Variants in TLL1 observed in about 807,000 individuals in gnomAD.
The protein encoded by TLL1 is tolloid-like protein 1.
Under a neutral mutation model 128.2 loss-of-function variants are expected in TLL1, and 49 were observed. That is an observed-to-expected ratio of 0.38 (90% CI 0.30 to 0.48). The LOEUF (loss-of-function observed/expected upper bound fraction) is 0.48, where lower values mean the gene tolerates loss of function less well. Among genes scored for constraint, TLL1 ranks in the 20% least tolerant of loss-of-function variants. The probability of loss-of-function intolerance (pLI) is 0.96; values close to 1 mark genes in which losing one functional copy is unlikely to be tolerated. For missense variants in TLL1, 1,123 were observed against 1,242.0 expected (o/e 0.90, Z 1.44); for synonymous variants, 454 against 418.8 (o/e 1.08, Z -1.03).
chr4:166,031,105 A>G, intron 9 of TLL1: 1 of 755,748 alleles, frequency 1.3e-6, no homozygotes. Flanking sequence ...GCTTAAGATG[A>G]TTTCTGAAGG....
At chr4:165,953,699 C>G (rs17047138) in intron 1 of TLL1, among the ~76,000 whole-genome samples, 6,640 of 151,370 alleles carry the variant, frequency 0.044, 379 homozygotes, top group African/African-American at 0.13. Context: ...TAGTCAAGGA[C>G]GAAATGCCAT....
intron 6 of TLL1, among the ~76,000 whole-genome samples, chr4:166,004,557 C>A (rs575763639): frequency 1.3e-5 from 2 of 152,040 alleles, no homozygotes; most frequent in South Asian, 2.1e-4. Context: ...CCATAGAGTC[C>A]AAGCAAGGCA....
In TLL1 at chr4:165,936,808, C is replaced by T. The variant is rs936333799; in HGVS notation, c.170-52573C>T. ...ATTGGCTGGGCATGGTGGCAGGCGC[C>T]TGTAATCCCAGCTACTCGGGAGGCT... On this transcript the variant is annotated intron_variant, in intron 1 of 20. Coordinates refer to ENST00000061240, the MANE Select transcript of TLL1 (RefSeq NM_012464.5). 7.9e-5 allele frequency among the ~76,000 whole-genome samples: 12 copies of T among 152,060 alleles called. No homozygotes were observed. In the East Asian group the frequency reaches 2.3e-3, roughly 29 times the overall value.
intron 12 of TLL1, among the ~76,000 whole-genome samples, chr4:166,052,963 G>GTA (rs1739816722): frequency 2.1e-5 from 1 of 47,450 alleles, no homozygotes; most frequent in Non-Finnish European, 4.0e-5. Context: ...AAGAGGTTAT[G>GTA]TGTATATATA....
At position 166,060,911 on chromosome 4, in the gene TLL1, C is replaced by A. The variant is rs144752031; in HGVS notation, c.2007+723C>A. ...TTAATTCCAGAGGAAAGGTTATAAA[C>A]GTTTGTTTTGTTTCGTCTTCTGTAC... On this transcript the variant is annotated intron_variant, in intron 15 of 20. Transcript: ENST00000061240. Among the ~76,000 whole-genome samples, 1,196 of 152,242 alleles carry A rather than the reference C, an allele frequency of 7.9e-3. 16 individuals are homozygous for A. Among genetic ancestry groups the A allele is most frequent in the African/African-American group, 0.027 (1,135 of 41,540 alleles).
chr4:165,997,276 A>G (rs1736928873), intron 5 of TLL1, among the ~76,000 whole-genome samples: 1 of 152,188 alleles, frequency 6.6e-6, no homozygotes, highest in South Asian at 2.1e-4. Context: ...TTGTCAAGTC[A>G]AGCACATTAG....
chr4:165,982,085 A>C (rs1736173584), intron 1 of TLL1, among the ~76,000 whole-genome samples: 1 of 152,004 alleles, frequency 6.6e-6, no homozygotes, highest in African/African-American at 2.4e-5. Flanking sequence ...GTAGACGCCA[A>C]ATAATGTGAT....
intron 1 of TLL1, among the ~76,000 whole-genome samples, chr4:165,899,994 T>G (rs1253069417): frequency 6.6e-6 from 1 of 152,174 alleles, no homozygotes; most frequent in Non-Finnish European, 1.5e-5. Context: ...TCTCTTTTGA[T>G]CTTTGTTGGC....
rs945266997 is a variant in TLL1 at position 165,903,257 on chromosome 4, G to A, written c.169+29184G>A. On this transcript the variant is annotated intron_variant, in intron 1 of 20. Transcript: ENST00000061240. ...GGAGGCTGAGGCAGGAGAATGGCTTGAACCCAGGAGGTGGAGGTTGCAGTG... is the reference window on the plus strand; with the variant it reads ...GGAGGCTGAGGCAGGAGAATGGCTTAAACCCAGGAGGTGGAGGTTGCAGTG... 4.6e-5 allele frequency among the ~76,000 whole-genome samples: 7 copies of A among 151,872 alleles called. No individual in the cohort carries two copies. In the South Asian group the frequency reaches 1.5e-3, roughly 31 times the overall value.
chr4:165,934,854 C>G (rs761589885), intron 1 of TLL1, among the ~76,000 whole-genome samples: 16 of 152,102 alleles, frequency 1.1e-4, no homozygotes, highest in South Asian at 6.2e-4. Context: ...ATTAAAAACA[C>G]CTGTAAGCCA....
intron 7 of TLL1, among the ~76,000 whole-genome samples, chr4:166,012,149 G>A (rs1191271345): frequency 6.6e-6 from 1 of 151,498 alleles, no homozygotes; most frequent in East Asian, 1.9e-4. Context: ...ACAAATTTTT[G>A]TTAAAAGTAT....
chr4:165,874,191 C>A, intron 1 of TLL1, 118 bp downstream of exon 1: 2 of 1,239,684 alleles, frequency 1.6e-6, no homozygotes, highest in East Asian at 2.3e-5. Context: ...CCTCCGCCGC[C>A]CCTCCTTCTC....
At chr4:165,885,290 A>G (rs1295770846) in intron 1 of TLL1, among the ~76,000 whole-genome samples, 1 of 152,004 alleles carries the variant, frequency 6.6e-6, no homozygotes, top group East Asian at 1.9e-4. Context: ...GGCCTAAAGC[A>G]ATCTGAATCC....
At chr4:165,905,236 G>A (rs1732197764) in intron 1 of TLL1, among the ~76,000 whole-genome samples, 1 of 152,184 alleles carries the variant, frequency 6.6e-6, no homozygotes, top group African/African-American at 2.4e-5. Context: ...GAAAGCATAT[G>A]TCCCTACAAA....
chr4:166,074,518 T>A (rs926491397), intron 16 of TLL1, among the ~76,000 whole-genome samples: 2 of 152,128 alleles, frequency 1.3e-5, no homozygotes, highest in East Asian at 3.9e-4. Context: ...CTATGCACAA[T>A]TTTAAATTTA....
intron 12 of TLL1, among the ~76,000 whole-genome samples, chr4:166,048,432 A>T (rs1739563270): frequency 6.6e-6 from 1 of 152,124 alleles, no homozygotes. Flanking sequence ...TTCTCATAGC[A>T]TCTGGAATGG....
intron 1 of TLL1, among the ~76,000 whole-genome samples, chr4:165,980,212 T>TA (rs138561625): frequency 0.079 from 12,048 of 152,096 alleles, 1,556 homozygotes; most frequent in African/African-American, 0.27. Context: ...AGTCCCCTTA[T>TA]GTTCTTACTG....
At chr4:166,000,593 A>C (rs1737101056) in intron 5 of TLL1, among the ~76,000 whole-genome samples, 1 of 152,206 alleles carries the variant, frequency 6.6e-6, no homozygotes, top group Admixed American at 6.5e-5. Context: ...CCCTGAATAA[A>C]GCCAGTAAGA....
chr4:165,922,933 G>T (rs946647779), intron 1 of TLL1, among the ~76,000 whole-genome samples: 1 of 152,154 alleles, frequency 6.6e-6, no homozygotes, highest in South Asian at 2.1e-4. Context: ...CCTGGTTTCT[G>T]CATTTGAGTG....
Sources: gnomAD v4.1 joint callset for allele counts (sites outside exome capture counted in the v4.1 genomes callset) on GRCh38, gnomAD v4.1.1 for gene constraint, MANE v1.5 for transcripts, NCBI Gene and HGNC (gene_info 2026-07-23, HGNC 2026-07-21) for gene names.